RHBDD1: variants seen among roughly 807,000 people sequenced by gnomAD.
RHBDD1 encodes the protein rhomboid-related protein 4.
Under a neutral mutation model 36.3 loss-of-function variants are expected in RHBDD1, and 38 were observed. The ratio of observed to expected loss-of-function variants is 1.05; its 90% CI spans 0.81 to 1.37. The LOEUF is 1.37. Ranked by LOEUF, RHBDD1 falls within the 40% of genes most tolerant of loss-of-function variation. RHBDD1 has a pLI of 0.00. For missense variants in RHBDD1, 393 were observed against 377.6 expected (o/e 1.04, Z -0.34); for synonymous variants, 151 against 136.5 (o/e 1.11, Z -0.74).
chr2:226,985,375 AC>A (rs1393753531), intron 8 of RHBDD1, among the ~76,000 whole-genome samples: 1 of 152,084 alleles, frequency 6.6e-6, no homozygotes, highest in Non-Finnish European at 1.5e-5. Flanking sequence ...ACAATAAACA[AC>A]TCCATAATAT....
intron 8 of RHBDD1, among the ~76,000 whole-genome samples, chr2:226,942,194 C>T (rs1950703766): frequency 6.6e-6 from 1 of 151,110 alleles, no homozygotes; most frequent in Non-Finnish European, 1.5e-5. Context: ...TGTAACTTAG[C>T]TGGAGGATGT....
chr2:226,939,381 G>T (rs1384485247), intron 8 of RHBDD1, among the ~76,000 whole-genome samples: 2 of 152,138 alleles, frequency 1.3e-5, no homozygotes, highest in African/African-American at 4.8e-5. Context: ...AAACTCCGTC[G>T]TCTCAGCCCA....
chr2:226,910,688 A>C lies in RHBDD1; in HGVS notation c.712+1810A>C, dbSNP rs115612501. Among the ~76,000 whole-genome samples, 559 of 152,172 alleles carry C rather than the reference A, an allele frequency of 3.7e-3. 5 individuals carry two copies. Among genetic ancestry groups the C allele is most frequent in the African/African-American group, 0.013 (535 of 41,538 alleles). On this transcript the variant is annotated intron_variant, in intron 7 of 8. Coordinates refer to ENST00000392062, the MANE Select transcript of RHBDD1 (RefSeq NM_001167608.3). ...ATAACTAAAAAAAAAAAATTAAACT[A>C]GTATTCCTCTCAGGACATAATTTAA...
chr2:226,921,762 T>C (rs964454619), intron 8 of RHBDD1, among the ~76,000 whole-genome samples: 1 of 152,226 alleles, frequency 6.6e-6, no homozygotes, highest in African/African-American at 2.4e-5. Flanking sequence ...ACATATAGTC[T>C]ATCCTTGAGA....
At chr2:226,902,258 A>G (rs1413519649) in intron 5 of RHBDD1, among the ~76,000 whole-genome samples, 2 of 152,230 alleles carry the variant, frequency 1.3e-5, no homozygotes, top group African/African-American at 4.8e-5. Context: ...GATTGTAACA[A>G]TACTGTCTGG....
chr2:226,957,155 C>T (rs1463866462), intron 8 of RHBDD1, among the ~76,000 whole-genome samples: 2 of 152,128 alleles, frequency 1.3e-5, no homozygotes, highest in Non-Finnish European at 2.9e-5. Context: ...TTGTTTTAAG[C>T]ACAAATAACC....
At position 226,914,274 on chromosome 2, in the gene RHBDD1, A is replaced by G. The variant is rs199684126; in HGVS notation, c.779A>G (p.Asn260Ser). The change falls in exon 8 of 9, where the codon AAC (asparagine) becomes AGC (serine). Residue 260 changes from asparagine to serine, a missense_variant. Transcript: ENST00000392062. ...RPDHYEEAPR[N>S]YDTYTAGLSE... The stretch of plus-strand genomic sequence containing the variant: ...GATCACTATGAAGAAGCACCCAGGA[A>G]CTATGACACGTACACAGCAGGACTG... 5.0e-5 allele frequency: 80 copies of G among 1,613,772 alleles called. No homozygotes were observed. Among genetic ancestry groups the G allele is most frequent in the Non-Finnish European group, 6.1e-5 (72 of 1,179,828 alleles).
intron 8 of RHBDD1, among the ~76,000 whole-genome samples, chr2:226,941,063 C>T (rs1273390941): frequency 2.0e-5 from 3 of 152,100 alleles, no homozygotes; most frequent in Non-Finnish European, 2.9e-5. Flanking sequence ...CCTCCTGCCT[C>T]AGCCCGCCTA....
At chr2:226,877,099 A>G (rs921963723) in intron 5 of RHBDD1, among the ~76,000 whole-genome samples, 3 of 152,190 alleles carry the variant, frequency 2.0e-5, no homozygotes, top group African/African-American at 4.8e-5. Flanking sequence ...GTAATCGTGG[A>G]TATCCCTCTT....
At chr2:226,904,061 C>T (rs975076758) in intron 5 of RHBDD1, among the ~76,000 whole-genome samples, 4 of 152,164 alleles carry the variant, frequency 2.6e-5, no homozygotes, top group Admixed American at 6.5e-5. Context: ...CCACATTCAT[C>T]CTTCAAGTCC....
intron 8 of RHBDD1, among the ~76,000 whole-genome samples, chr2:226,959,797 G>A (rs1952046225): frequency 1.3e-5 from 2 of 152,078 alleles, no homozygotes; most frequent in Non-Finnish European, 1.5e-5. Context: ...CATGTGGAAA[G>A]TGTATGTTTA....
At chr2:226,836,351 G>T (rs1441685418) in intron 1 of RHBDD1, among the ~76,000 whole-genome samples, 1 of 152,246 alleles carries the variant, frequency 6.6e-6, no homozygotes, top group African/African-American at 2.4e-5. Context: ...CCGCCGGACC[G>T]CACGGGAACG....
At chr2:226,909,275 G>A (rs1398788097) in intron 7 of RHBDD1, among the ~76,000 whole-genome samples, 3 of 152,248 alleles carry the variant, frequency 2.0e-5, no homozygotes, top group East Asian at 1.9e-4. Context: ...CTTGCATACC[G>A]TCAGATGCTA....
chr2:226,839,375 C>T (rs888223481), intron 2 of RHBDD1, 34 bp from the exon 3 acceptor site: 7 of 151,992 alleles, frequency 4.6e-5, no homozygotes, highest in African/African-American at 1.7e-4. Context: ...GTCATAGCCA[C>T]GTAAGCAATG....
At chr2:226,927,023 T>C (rs866440391) in intron 8 of RHBDD1, among the ~76,000 whole-genome samples, 1 of 152,278 alleles carries the variant, frequency 6.6e-6, no homozygotes, top group South Asian at 2.1e-4. Flanking sequence ...GACAGAAGTA[T>C]AGAGTGGTTT....
intron 5 of RHBDD1, among the ~76,000 whole-genome samples, chr2:226,891,768 C>T (rs1199499355): frequency 6.6e-6 from 1 of 152,172 alleles, no homozygotes; most frequent in Non-Finnish European, 1.5e-5. Context: ...AAAGACTTAT[C>T]GGAAGGATAT....
At chr2:226,975,257 A>T (rs980473604) in intron 8 of RHBDD1, among the ~76,000 whole-genome samples, 1 of 152,160 alleles carries the variant, frequency 6.6e-6, no homozygotes, top group Non-Finnish European at 1.5e-5. Flanking sequence ...AATTAACTTG[A>T]TTGTGGTACT....
At chr2:226,837,267 T>A (rs927369181) in intron 1 of RHBDD1, among the ~76,000 whole-genome samples, 1 of 152,222 alleles carries the variant, frequency 6.6e-6, no homozygotes, top group Admixed American at 6.5e-5. Context: ...AAGTAACTTA[T>A]TAGAACTGCA....
intron 5 of RHBDD1, among the ~76,000 whole-genome samples, chr2:226,877,363 T>C (rs548692585): frequency 6.6e-6 from 1 of 152,328 alleles, no homozygotes; most frequent in South Asian, 2.1e-4. Context: ...CATTTATTTA[T>C]GTCACCACCA....
Sources: gnomAD v4.1 joint callset for allele counts (sites outside exome capture counted in the v4.1 genomes callset) on GRCh38, gnomAD v4.1.1 for gene constraint, MANE v1.5 for transcripts, NCBI Gene and HGNC (gene_info 2026-07-23, HGNC 2026-07-21) for gene names.